The following MOCS1 variants were observed in gnomAD, a reference collection of about 807,000 sequenced individuals.
The protein encoded by MOCS1 is molybdenum cofactor biosynthesis protein 1.
Under a neutral mutation model 57.6 loss-of-function variants are expected in MOCS1, and 39 were observed. The ratio of observed to expected loss-of-function variants is 0.68; its 90% confidence interval spans 0.52 to 0.88. The LOEUF is 0.88. Ranked by LOEUF, MOCS1 falls within the 40% of genes least tolerant of loss-of-function variation. MOCS1 has a pLI of 0.00. For synonymous variants in MOCS1, 334 were observed against 335.7 expected (o/e 1.00, Z 0.05); for missense variants, 795 against 831.1 (o/e 0.96, Z 0.53).
chr6:39,905,529 G>T lies in MOCS1; in HGVS notation c.*828C>A, dbSNP rs1374661864. The stretch of plus-strand genomic sequence containing the variant: ...GTGTCTTCATTCTTGCATCTGCAAA[G>T]TTGGCATCGTAGCTTTATTTGTGCG... On this transcript the variant is annotated 3_prime_UTR_variant, in exon 11 of 11. Coordinates refer to ENST00000340692, the MANE Select transcript of MOCS1 (RefSeq NM_001358530.2). 1 of 471,090 alleles carries T rather than the reference G, an allele frequency of 2.1e-6. No homozygotes were observed. Among genetic ancestry groups the T allele is most frequent in the Non-Finnish European group, 4.4e-6 (1 of 227,082 alleles). The allele number at this position is 471,090 out of a possible 1,614,324, so 29.2% of individuals were successfully genotyped here.
At chr6:39,911,319 TC>T (rs1209172305) in intron 8 of MOCS1, among the ~76,000 whole-genome samples, 2 of 152,120 alleles carry the variant, frequency 1.3e-5, no homozygotes, top group Non-Finnish European at 2.9e-5. Context: ...ATCATCACCC[TC>T]CCACAATTGT....
At position 39,906,066 on chromosome 6, in the gene MOCS1, T is replaced by C. The variant is rs1212134659; in HGVS notation, c.*291A>G. 4 of 620,488 alleles carry C rather than the reference T, an allele frequency of 6.4e-6. No homozygotes were observed. Among genetic ancestry groups the C allele is most frequent in the East Asian group, 6.9e-5 (2 of 28,988 alleles). 38.4% of individuals were successfully genotyped at this position (620,488 alleles called of 1,614,324 possible). A position where few individuals can be genotyped will look rare whatever the true frequency, so the allele number is the denominator to read the frequency against. ...TGTCTGAAATAGTCCACAAAGAACA[T>C]GATTTCTCAGTTATCTGGCATTGCT... On this transcript the variant is annotated 3_prime_UTR_variant, in exon 11 of 11. Transcript: ENST00000340692.
chr6:39,931,636 T>C (rs1352829826), intron 1 of MOCS1, among the ~76,000 whole-genome samples: 4 of 151,854 alleles, frequency 2.6e-5, no homozygotes, highest in Non-Finnish European at 4.4e-5. Flanking sequence ...GATGACCTCC[T>C]GAAAGCCCTC....
chr6:39,927,256 G>A (rs753289713), intron 2 of MOCS1, 73 bp downstream of exon 2: 4 of 1,563,626 alleles, frequency 2.6e-6, no homozygotes, highest in Non-Finnish European at 3.5e-6. Flanking sequence ...AGGATTTCCA[G>A]GCACAGGGAA....
chr6:39,913,335 C>T lies in MOCS1; in HGVS notation c.739G>A (p.Glu247Lys), dbSNP rs1767451764. Reference protein sequence around the residue: ...EGLPLDVRFIEYMPFDGNKWN... With the variant: ...EGLPLDVRFIKYMPFDGNKWN... Reference sequence around the variant, plus strand: ...CACTGACCATCAAAGGGCATATACTCTATGAAGCGCACATCCAGGGGGAGG... The same window carrying T: ...CACTGACCATCAAAGGGCATATACTTTATGAAGCGCACATCCAGGGGGAGG... The change falls in exon 6 of 11, where the codon GAG becomes AAG. Residue 247 changes from glutamate to lysine, a missense_variant. By Grantham distance (56) the Glu-to-Lys change is moderately conservative. Around this residue, in one of 3 missense-constraint regions of MOCS1, gnomAD observed 416 missense variants for 392.4 expected, o/e 1.06. Coordinates refer to ENST00000340692, the MANE Select transcript of MOCS1 (RefSeq NM_001358530.2). 2.5e-6 allele frequency: 4 copies of T among 1,614,078 alleles called. No individual in the cohort carries two copies. The highest frequency in any genetic ancestry group is 1.3e-5 in the African/African-American group (1 of 74,948).
Position 39,906,053 on chromosome 6 carries a change from T to C in MOCS1, c.*304A>G, listed in dbSNP as rs1268277938. ...GTCGGAACCTGGTTGTCTGAAATAG[T>C]CCACAAAGAACATGATTTCTCAGTT... On this transcript the variant is annotated 3_prime_UTR_variant, in exon 11 of 11. Coordinates refer to ENST00000340692, the MANE Select transcript of MOCS1 (RefSeq NM_001358530.2). 1.7e-6 allele frequency: 1 copy of C among 587,172 alleles called. No homozygotes were observed. The highest frequency in any genetic ancestry group is 3.2e-6 in the Non-Finnish European group (1 of 313,684). The allele number at this position is 587,172 out of a possible 1,614,324, so 36.4% of individuals were successfully genotyped here.
intron 10 of MOCS1, 106 bp downstream of exon 10, chr6:39,908,949 A>C (rs1767121875): frequency 1.1e-6 from 1 of 947,058 alleles, no homozygotes; most frequent in African/African-American, 1.6e-5. Context: ...CAAGGATGAG[A>C]AATCAGCATG....
At chr6:39,912,684 A>G (rs1232062655) in intron 7 of MOCS1, among the ~76,000 whole-genome samples, 1 of 152,150 alleles carries the variant, frequency 6.6e-6, no homozygotes, top group African/African-American at 2.4e-5. Context: ...GTCCTCTGAC[A>G]TGTTACTGAG....
rs201682664 is a variant in MOCS1 at position 39,919,481 on chromosome 6, C to CT, written c.419-3250dup. Among the ~76,000 whole-genome samples, 1,252 of 150,516 alleles carry CT rather than the reference C, an allele frequency of 8.3e-3. 16 individuals are homozygous for CT. The highest frequency in any genetic ancestry group is 0.029 in the African/African-American group (1,187 of 40,816). ...CCAGCCTGGGTGACAGAGTAAGACTCTGTCTCAAAAACAAAAAACAAACAA... is the reference window on the plus strand; with the variant it reads ...CCAGCCTGGGTGACAGAGTAAGACTCTTGTCTCAAAAACAAAAAACAAACAA... On this transcript the variant is annotated intron_variant, in intron 3 of 10. Transcript: ENST00000340692.
rs759069147 is a variant in MOCS1, at chr6:39,906,603, G to T, written c.1665C>A (p.His555Gln). Reference sequence around the variant, plus strand: ...CCTGGATGTGGCTCAGGGCCACGTGGTGGCACAGAGGGATCAGCTGGCTGG... The same window carrying T: ...CCTGGATGTGGCTCAGGGCCACGTGTTGGCACAGAGGGATCAGCTGGCTGG... The part of the protein sequence containing the change: ...KVTSQLIPLC[H>Q]HVALSHIQVQ... Residue 555 changes from histidine to glutamine, a missense_variant, in exon 11 of 11, where the codon CAC becomes CAA. His to Gln is a conservative substitution (Grantham distance 24). Around this residue, in one of 3 missense-constraint regions of MOCS1, gnomAD observed 374 missense variants for 422.6 expected, o/e 0.89. Coordinates refer to ENST00000340692, the MANE Select transcript of MOCS1 (RefSeq NM_001358530.2). 3 of 1,613,804 alleles carry T rather than the reference G, an allele frequency of 1.9e-6. No homozygotes were observed. Among genetic ancestry groups the T allele is most frequent in the African/African-American group, 1.3e-5 (1 of 74,956 alleles).
At chr6:39,920,071 A>C (rs1274688426) in intron 3 of MOCS1, among the ~76,000 whole-genome samples, 2 of 152,236 alleles carry the variant, frequency 1.3e-5, no homozygotes, top group Non-Finnish European at 2.9e-5. Flanking sequence ...TGTACCAAAT[A>C]AGTACGAAAG....
At chr6:39,913,100 T>C (rs1447062530) in intron 6 of MOCS1, 96 bp from the exon 7 acceptor site, 8 of 1,028,750 alleles carry the variant, frequency 7.8e-6, no homozygotes, top group Non-Finnish European at 1.2e-5. Flanking sequence ...AGCATAGCAA[T>C]CAGTTCTCCA....
At position 39,912,988 on chromosome 6, in the gene MOCS1, G is replaced by T. The variant is rs1338318870; in HGVS notation, c.774C>A (p.Phe258Leu). 12 of 1,614,092 alleles carry T rather than the reference G, an allele frequency of 7.4e-6. No individual in the cohort carries two copies. The highest frequency in any genetic ancestry group is 1.0e-5 in the Non-Finnish European group (12 of 1,179,994). ...TCTCCTTATAGCTGACCATCTTCTT[G>T]AAGTTCCACTTGTTGCCTGTATTCG... ...YMPFDGNKWN[F>L]KKMVSYKEML... Residue 258 changes from phenylalanine (F) to leucine (L), a missense_variant, in exon 7 of 11, where the codon TTC (phenylalanine) becomes TTA (leucine). By Grantham distance (22) the Phe-to-Leu change is conservative (BLOSUM62 0). Coordinates refer to ENST00000340692, the MANE Select transcript of MOCS1 (RefSeq NM_001358530.2).
chr6:39,906,808 G>A lies in MOCS1; in HGVS notation c.1460C>T (p.Ser487Leu), dbSNP rs137901915. 20 of 1,614,032 alleles carry A rather than the reference G, an allele frequency of 1.2e-5. No homozygotes were observed. In the Admixed American group the frequency reaches 1.8e-4, roughly 15 times the overall value. ...LTSEQLTHVD[S>L]EGRAAMVDVG... is the part of the protein sequence containing the mutation. ...ATCTACCATAGCTGCCCGTCCTTCC[G>A]AGTCCACATGAGTTAGTTGTTCTGA... Residue 487 changes from serine to leucine, a missense_variant, in exon 11 of 11, where the codon TCG becomes TTG. This residue lies in a region of MOCS1 where 374 missense variants were observed against 422.6 expected (regional missense o/e 0.89). Coordinates refer to ENST00000340692, the MANE Select transcript of MOCS1 (RefSeq NM_001358530.2).
At chr6:39,918,438 T>A (rs1187905983) in intron 3 of MOCS1, among the ~76,000 whole-genome samples, 4 of 152,246 alleles carry the variant, frequency 2.6e-5, no homozygotes, top group Non-Finnish European at 5.9e-5. Flanking sequence ...TGTACATGAA[T>A]TTTTAAAGCC....
At position 39,925,667 on chromosome 6, in the gene MOCS1, G is replaced by A. The variant is rs367871851; in HGVS notation, c.418+11C>T. 2.9e-5 allele frequency: 47 copies of A among 1,612,644 alleles called. No individual in the cohort carries two copies. Among genetic ancestry groups the A allele is most frequent in the Middle Eastern group, 1.6e-4 (1 of 6,082 alleles). ...GCTGGGAGAAGTGGCGATGACTTTCGTCCAACTCACCCACAATGTCCACCA... is the reference window on the plus strand; with the variant it reads ...GCTGGGAGAAGTGGCGATGACTTTCATCCAACTCACCCACAATGTCCACCA... On this transcript the variant is annotated intron_variant, in intron 3 of 10. Transcript: ENST00000340692.
intron 10 of MOCS1, 148 bp downstream of exon 10, chr6:39,908,907 T>TA (rs1317098871): frequency 1.3e-6 from 1 of 744,004 alleles, no homozygotes; most frequent in African/African-American, 1.7e-5. Context: ...CCTTGAAGGT[T>TA]AAGAAGAGAT....
intron 1 of MOCS1, among the ~76,000 whole-genome samples, chr6:39,934,077 A>T (rs562537557): frequency 2.6e-5 from 4 of 152,228 alleles, no homozygotes; most frequent in African/African-American, 9.6e-5. Context: ...GCTGGGGGGC[A>T]GGGAGGTTCT....
intron 3 of MOCS1, among the ~76,000 whole-genome samples, chr6:39,922,382 G>T (rs1242963635): frequency 4.6e-5 from 7 of 152,228 alleles, no homozygotes; most frequent in Middle Eastern, 3.4e-3. Flanking sequence ...ACACAAATTT[G>T]TAAATTTTCT....
Sources: gnomAD v4.1 joint callset for allele counts (sites outside exome capture counted in the v4.1 genomes callset) on GRCh38, gnomAD v4.1.1 for gene constraint, gnomAD v4.1.1 regional missense constraint, MANE v1.5 for transcripts, NCBI Gene and HGNC (gene_info 2026-07-23, HGNC 2026-07-21) for gene names.